The following POLR2D variants were observed in gnomAD, a reference collection of about 807,000 sequenced individuals.
POLR2D encodes the protein DNA-directed RNA polymerase II subunit RPB4.
POLR2D carries 10 observed loss-of-function variants against 17.6 expected under a neutral mutation model. The ratio of observed to expected loss-of-function variants is 0.57; its 90% confidence interval spans 0.35 to 0.96. The LOEUF (loss-of-function observed/expected upper bound fraction) is 0.96. POLR2D is among the 40% of genes least tolerant of loss of function. POLR2D has a pLI of 0.02. For missense variants in POLR2D, 126 were observed against 176.4 expected, an observed-to-expected ratio of 0.71 and a Z score of 1.62; for synonymous variants, 52 against 60.2, an observed-to-expected ratio of 0.86 and a Z score of 0.63.
chr2:127,850,474 A>G, intron 3 of POLR2D, 116 bp downstream of exon 3: 1 of 442,824 alleles, frequency 2.3e-6, no homozygotes, highest in Non-Finnish European at 4.2e-6. Context: ...AGGCACTTTC[A>G]TTCAATATTG....
At chr2:127,855,130 C>T (rs1273700738) in intron 1 of POLR2D, among the ~76,000 whole-genome samples, 1 of 152,028 alleles carries the variant, frequency 6.6e-6, no homozygotes, top group East Asian at 1.9e-4. Context: ...AGCGCAGTGG[C>T]TCACGCCTGT....
chr2:127,852,943 G>GTC lies in POLR2D; in HGVS notation c.234_235dup (p.Thr79ArgfsTer37). On this transcript the variant is annotated frameshift_variant, in exon 2 of 4. Coordinates refer to ENST00000272645, the MANE Select transcript of POLR2D (RefSeq NM_004805.4). LOFTEE classifies it high-confidence loss of function. The surrounding 1 kb of genome is among the most constrained non-coding windows in gnomAD (Gnocchi z 4.0). ...CACTCACCTACGAACACTGGCAATG[G>GTC]TCTCTCTGTTTTTGAAACGACTGAA... The GTC allele has an allele frequency of 6.2e-7, 1 of 1,613,566 alleles. No homozygotes were observed. The highest frequency in any genetic ancestry group is 8.5e-7 in the Non-Finnish European group (1 of 1,179,684).
chr2:127,858,119 G>GCGCA lies in POLR2D; in HGVS notation c.-20_-19insTGCG. The GCGCA allele has an allele frequency of 6.9e-7, 1 of 1,444,938 alleles. No homozygotes were observed. Among genetic ancestry groups the GCGCA allele is most frequent in the Non-Finnish European group, 9.1e-7 (1 of 1,094,334 alleles). 89.5% of individuals were successfully genotyped at this position (1,444,938 alleles called of 1,614,324 possible). On this transcript the variant is annotated 5_prime_UTR_variant, in exon 1 of 4. Transcript: ENST00000272645. ...CCGCCATCGCCGCGCCGCGCCGCGC[G>GCGCA]CCACCACCAGCGCCGCCGGAAGCAG...
At chr2:127,853,429 A>G (rs1370842478) in intron 1 of POLR2D, among the ~76,000 whole-genome samples, 2 of 152,026 alleles carry the variant, frequency 1.3e-5, no homozygotes, top group Non-Finnish European at 2.9e-5. Flanking sequence ...TTCTGTCCAT[A>G]TGTACTCAAG....
intron 2 of POLR2D, among the ~76,000 whole-genome samples, chr2:127,851,520 G>A (rs1443188304): frequency 6.6e-6 from 1 of 152,188 alleles, no homozygotes; most frequent in Non-Finnish European, 1.5e-5. Context: ...AGGATCACTT[G>A]AGTCCAGGAG....
chr2:127,850,440 CAAAAAAAAAAA>C (rs60975701), intron 3 of POLR2D, 139 bp downstream of exon 3: 2 of 108,472 alleles, frequency 1.8e-5, no homozygotes, highest in East Asian at 2.1e-4. Context: ...AACTCCGTCT[CAAAAAAAAAAA>C]AAAAAAAAAA....
chr2:127,851,743 C>T (rs1690255824), intron 2 of POLR2D, among the ~76,000 whole-genome samples: 1 of 152,142 alleles, frequency 6.6e-6, no homozygotes, highest in Non-Finnish European at 1.5e-5. Flanking sequence ...TATTATCTAT[C>T]TATCTATCTA....
intron 1 of POLR2D, among the ~76,000 whole-genome samples, chr2:127,854,213 C>T (rs1022081097): frequency 1.3e-5 from 2 of 152,134 alleles, no homozygotes; most frequent in African/African-American, 4.8e-5. Flanking sequence ...TAATATACGG[C>T]GACCTTCTAC....
At position 127,844,675 on chromosome 2, in the gene POLR2D, T is replaced by A. The variant is rs371396904; in HGVS notation, c.*3432A>T. ...TTTATTATTTTATTTTTTTTCAAGATGGAGTCTCGCTCTTGTTGCCCAGGC... is the reference window on the plus strand; with the variant it reads ...TTTATTATTTTATTTTTTTTCAAGAAGGAGTCTCGCTCTTGTTGCCCAGGC... On this transcript the variant is annotated 3_prime_UTR_variant, in exon 4 of 4. Transcript: ENST00000272645. 15 of 152,126 alleles carry A rather than the reference T, an allele frequency of 9.9e-5. No individual in the cohort carries two copies. Among genetic ancestry groups the A allele is most frequent in the African/African-American group, 3.6e-4 (15 of 41,412 alleles). The allele number at this position is 152,126 out of a possible 1,614,324, so 9.4% of individuals were successfully genotyped here. A position where few individuals can be genotyped will look rare whatever the true frequency, so the allele number is the denominator to read the frequency against.
chr2:127,843,967 G>A lies in POLR2D; in HGVS notation c.*4140C>T, dbSNP rs374477752. ...TACAAAAAATAAATTAGCCAGGCAT[G>A]GTAGCTCGTGCCTGTGGTCCCAGCT... On this transcript the variant is annotated 3_prime_UTR_variant, in exon 4 of 4. Transcript: ENST00000272645. 2 of 153,386 alleles carry A rather than the reference G, an allele frequency of 1.3e-5. No individual in the cohort carries two copies. Among genetic ancestry groups the A allele is most frequent in the Non-Finnish European group, 2.9e-5 (2 of 68,044 alleles). 9.5% of individuals were successfully genotyped at this position (153,386 alleles called of 1,614,324 possible).
chr2:127,850,238 C>T (rs570604620), intron 3 of POLR2D, among the ~76,000 whole-genome samples: 3 of 151,922 alleles, frequency 2.0e-5, no homozygotes, highest in South Asian at 2.1e-4. Flanking sequence ...GCTGGGAGTT[C>T]GCGACTAGCC....
chr2:127,858,065 G>T lies in POLR2D; in HGVS notation c.36C>A (p.Asp12Glu). 1 of 1,552,922 alleles carries T rather than the reference G, an allele frequency of 6.4e-7. No individual in the cohort carries two copies. Among genetic ancestry groups the T allele is most frequent in the Non-Finnish European group, 8.7e-7 (1 of 1,153,420 alleles). Residue 12 changes from aspartate (D) to glutamate (E), a missense_variant, in exon 1 of 4, where the codon GAC becomes GAA. Asp to Glu is a conservative substitution (Grantham distance 45, BLOSUM62 2). Transcript: ENST00000272645. ...AAGGSDPRAG[D>E]VEEDASQLIF... is the part of the protein sequence containing the mutation. ...TGAGCTGTGAGGCGTCCTCCTCTACGTCGCCAGCCCGCGGATCGCTGCCAC... is the reference window on the plus strand; with the variant it reads ...TGAGCTGTGAGGCGTCCTCCTCTACTTCGCCAGCCCGCGGATCGCTGCCAC...
At chr2:127,855,318 G>A (rs1025460943) in intron 1 of POLR2D, among the ~76,000 whole-genome samples, 5 of 150,964 alleles carry the variant, frequency 3.3e-5, no homozygotes, top group African/African-American at 9.8e-5. Flanking sequence ...GCTTGAACCC[G>A]GGAGGTGGAG....
rs558819545 is a variant in POLR2D, at chr2:127,855,801, A to G, written c.73+2227T>C. On this transcript the variant is annotated intron_variant, in intron 1 of 3. Coordinates refer to ENST00000272645, the MANE Select transcript of POLR2D (RefSeq NM_004805.4). ...AGTGAAGGCGCGCACACGCGCGCAC[A>G]TACACACACACACACACACACAATT... Among the ~76,000 whole-genome samples, 46 of 130,604 alleles carry G rather than the reference A, an allele frequency of 3.5e-4. 1 individual carries two copies. In the South Asian group the frequency reaches 8.4e-3, roughly 24 times the overall value. The allele number at this position is 130,604 out of a possible 152,430, so 85.7% of individuals were successfully genotyped here.
chr2:127,854,147 T>C (rs1010318837), intron 1 of POLR2D, among the ~76,000 whole-genome samples: 2 of 152,216 alleles, frequency 1.3e-5, no homozygotes, highest in Non-Finnish European at 2.9e-5. Context: ...ACAAATGTTA[T>C]AAGCAATTTT....
At chr2:127,853,704 C>T (rs1690285495) in intron 1 of POLR2D, among the ~76,000 whole-genome samples, 1 of 152,154 alleles carries the variant, frequency 6.6e-6, no homozygotes, top group Admixed American at 6.5e-5. Flanking sequence ...ACTGCAGGCA[C>T]ACGCCACCAC....
At position 127,856,591 on chromosome 2, in the gene POLR2D, TAAAATTAAAAAA is replaced by T. The variant is rs1398184492; in HGVS notation, c.73+1425_73+1436del. Among the ~76,000 whole-genome samples the T allele has an allele frequency of 1.8e-3, 260 of 148,564 alleles. 2 individuals are homozygous for T. The highest frequency in any genetic ancestry group is 5.7e-3 in the African/African-American group (227 of 40,046). On this transcript the variant is annotated intron_variant, in intron 1 of 3. Coordinates refer to ENST00000272645, the MANE Select transcript of POLR2D (RefSeq NM_004805.4). Reference sequence around the variant, plus strand: ...GACAGAGTGAAACCCTATCTCAAAATAAAATTAAAAAAAAAATTAAAAAAAATAAATTAACAA... The same window carrying T: ...GACAGAGTGAAACCCTATCTCAAAATAAAATTAAAAAAAATAAATTAACAA...
At chr2:127,850,470 T>G in intron 3 of POLR2D, 120 bp downstream of exon 3, 1 of 384,186 alleles carries the variant, frequency 2.6e-6, no homozygotes, top group Non-Finnish European at 4.7e-6. Flanking sequence ...AAAAAGGCAC[T>G]TTCATTCAAT....
At chr2:127,848,562 G>A (rs1427500251) in intron 3 of POLR2D, among the ~76,000 whole-genome samples, 3 of 152,018 alleles carry the variant, frequency 2.0e-5, no homozygotes, top group Non-Finnish European at 4.4e-5. Flanking sequence ...TGTCGCCCAG[G>A]CTGGAGTGCA....
Sources: gnomAD v4.1 joint callset for allele counts (sites outside exome capture counted in the v4.1 genomes callset) on GRCh38, gnomAD v4.1.1 for gene constraint, Gnocchi (gnomAD v3.1) non-coding constraint, MANE v1.5 for transcripts, NCBI Gene and HGNC (gene_info 2026-07-23, HGNC 2026-07-21) for gene names.